DCDC1: variants seen among roughly 807,000 people sequenced by gnomAD.
DCDC1 encodes doublecortin domain containing 1.
Under a neutral mutation model 178.3 loss-of-function variants are expected in DCDC1, and 200 were observed. The observed-to-expected ratio is 1.12, with a 90% CI of 1.00 to 1.26. The LOEUF (loss-of-function observed/expected upper bound fraction) is 1.26, where lower values mean the gene tolerates loss of function less well. Ranked by LOEUF, DCDC1 falls within the 50% of genes most tolerant of loss-of-function variation. The pLI is 0.00. For synonymous variants in DCDC1, 690 were observed against 604.8 expected, an observed-to-expected ratio of 1.14 and a Z score of -2.07; for missense variants, 1,983 against 1,749.2, an observed-to-expected ratio of 1.13 and a Z score of -2.38.
At chr11:31,190,717 C>A (rs1970036289) in intron 9 of DCDC1, among the ~76,000 whole-genome samples, 1 of 152,052 alleles carries the variant, frequency 6.6e-6, no homozygotes, top group South Asian at 2.1e-4. Context: ...ACTTTAAAAT[C>A]TTTATCATAT....
chr11:30,916,687 A>T (rs1945860261), intron 26 of DCDC1, among the ~76,000 whole-genome samples, 183 bp downstream of exon 26: 2 of 152,186 alleles, frequency 1.3e-5, no homozygotes, highest in South Asian at 4.1e-4. Flanking sequence ...AATAAACCAA[A>T]GAGTAAAGGA....
intron 37 of DCDC1, 80 bp downstream of exon 37, chr11:30,881,078 T>C (rs1590206050): frequency 6.8e-7 from 1 of 1,461,618 alleles, no homozygotes; most frequent in South Asian, 1.3e-5. Context: ...ATCATTGTGA[T>C]GGGATATAAG....
intron 20 of DCDC1, among the ~76,000 whole-genome samples, chr11:30,972,181 T>C (rs1269413333): frequency 1.3e-5 from 2 of 152,306 alleles, no homozygotes; most frequent in African/African-American, 2.4e-5. Context: ...TTGCATATTA[T>C]AGTATAACTG....
chr11:31,095,434 C>T (rs1292738948), intron 15 of DCDC1, among the ~76,000 whole-genome samples: 2 of 152,196 alleles, frequency 1.3e-5, no homozygotes, highest in Non-Finnish European at 2.9e-5. Context: ...TTCTCCATAT[C>T]CTCTCCAGCA....
intron 22 of DCDC1, 118 bp from the exon 23 acceptor site, chr11:30,925,526 T>C (rs1474376575): frequency 1.2e-6 from 1 of 868,250 alleles, no homozygotes; most frequent in East Asian, 2.5e-5. Context: ...GCAGGACTGT[T>C]AGTCATGAGC....
intron 8 of DCDC1, 52 bp from the exon 9 acceptor site, chr11:31,241,668 T>C (rs1977149232): frequency 2.5e-6 from 1 of 395,254 alleles, no homozygotes; most frequent in African/African-American, 2.1e-5. Flanking sequence ...CCAACCGAAA[T>C]ACACTGCCTG....
chr11:31,238,277 T>A (rs1186033841), intron 9 of DCDC1, among the ~76,000 whole-genome samples: 2 of 152,130 alleles, frequency 1.3e-5, no homozygotes. Flanking sequence ...CACAGCTCCA[T>A]GCACGTTTAT....
Position 30,995,643 on chromosome 11 carries a change from C to G in DCDC1, c.2592-43075G>C, listed in dbSNP as rs115215620. ...CTGACTTTTGACATAGGTAGAAAAG[C>G]AACTAATTGAGAAAGAATTGTCTTT... is the stretch of plus-strand genomic sequence containing the variant. On this transcript the variant is annotated intron_variant, in intron 20 of 38. Coordinates refer to ENST00000684477, the MANE Select transcript of DCDC1 (RefSeq NM_001387274.1). Among the ~76,000 whole-genome samples the G allele has an allele frequency of 9.1e-3, 1,383 of 152,152 alleles. 21 individuals are homozygous for G. The highest frequency in any genetic ancestry group is 0.032 in the African/African-American group (1,311 of 41,508).
chr11:31,191,624 G>T (rs1970140522), intron 9 of DCDC1, among the ~76,000 whole-genome samples: 1 of 152,002 alleles, frequency 6.6e-6, no homozygotes, highest in Non-Finnish European at 1.5e-5. Flanking sequence ...AGTGTGGGTG[G>T]TAGGGGGTGG....
At chr11:31,351,910 T>G (rs1425181142) in intron 1 of DCDC1, among the ~76,000 whole-genome samples, 2 of 152,136 alleles carry the variant, frequency 1.3e-5, no homozygotes, top group African/African-American at 2.4e-5. Flanking sequence ...TCCAAGTGAC[T>G]GAATTTTACA....
intron 34 of DCDC1, 87 bp from the exon 35 acceptor site, chr11:30,894,471 C>T (rs926376091): frequency 1.0e-5 from 16 of 1,542,852 alleles, no homozygotes; most frequent in African/African-American, 6.9e-5. Flanking sequence ...ATGTATAAAT[C>T]GTTCCACACA....
intron 36 of DCDC1, among the ~76,000 whole-genome samples, chr11:30,885,235 G>GA (rs1450752521): frequency 3.6e-5 from 5 of 137,382 alleles, no homozygotes; most frequent in African/African-American, 1.3e-4. Context: ...TTTTACACCA[G>GA]AAAAAGGAAA....
At chr11:30,978,287 T>C (rs899786770) in intron 20 of DCDC1, among the ~76,000 whole-genome samples, 5 of 152,230 alleles carry the variant, frequency 3.3e-5, no homozygotes, top group Non-Finnish European at 5.9e-5. Context: ...GCACCACTTA[T>C]GTCTTAACCA....
intron 20 of DCDC1, among the ~76,000 whole-genome samples, chr11:31,052,530 T>A (rs975469695): frequency 2.0e-5 from 3 of 152,058 alleles, no homozygotes; most frequent in Admixed American, 2.0e-4. Flanking sequence ...GAACATTTCA[T>A]CCAACAACCG....
In DCDC1 at chr11:31,328,260, T is replaced by C; in HGVS notation, c.21A>G (p.Glu7=). Residue 7 remains glutamate (E), a synonymous_variant, in exon 3 of 39, where the codon GAA becomes GAG. Coordinates refer to ENST00000684477, the MANE Select transcript of DCDC1 (RefSeq NM_001387274.1). MAKTGA[E]DHREALSQSS... ...ACTGAGATAGTGCTTCTCTGTGATC[T>C]TCTGCTCCTGTTTTTGCCATTTTCA... 6.4e-7 allele frequency: 1 copy of C among 1,571,776 alleles called. No homozygotes were observed. Among genetic ancestry groups the C allele is most frequent in the Non-Finnish European group, 8.6e-7 (1 of 1,156,450 alleles).
intron 7 of DCDC1, among the ~76,000 whole-genome samples, chr11:31,269,271 T>C (rs997049730): frequency 1.3e-5 from 2 of 152,220 alleles, no homozygotes; most frequent in Non-Finnish European, 2.9e-5. Flanking sequence ...GAAAAGTACA[T>C]TATGGTGTCA....
At chr11:31,052,471 T>C (rs985379288) in intron 20 of DCDC1, among the ~76,000 whole-genome samples, 1 of 152,080 alleles carries the variant, frequency 6.6e-6, no homozygotes, top group Admixed American at 6.5e-5. Context: ...CAAAGAAACA[T>C]TGGATTTAAA....
At chr11:31,024,286 G>A (rs1953080125) in intron 20 of DCDC1, among the ~76,000 whole-genome samples, 1 of 151,964 alleles carries the variant, frequency 6.6e-6, no homozygotes, top group Non-Finnish European at 1.5e-5. Context: ...GTAAAAATAT[G>A]TATGCCTGTG....
At chr11:31,020,527 C>T (rs1952798063) in intron 20 of DCDC1, among the ~76,000 whole-genome samples, 1 of 152,178 alleles carries the variant, frequency 6.6e-6, no homozygotes, top group Admixed American at 6.5e-5. Flanking sequence ...TAATCTTTGG[C>T]CACTTCTCTT....
Sources: allele counts gnomAD v4.1 joint callset (sites outside exome capture counted in the v4.1 genomes callset), GRCh38; gene constraint gnomAD v4.1.1; transcripts MANE v1.5; gene names NCBI Gene and HGNC (gene_info 2026-07-23, HGNC 2026-07-21).